Variants in DNAI7 observed in about 807,000 individuals in gnomAD.
DNAI7 encodes the protein dynein axonemal intermediate chain 7.
A neutral mutation model predicts 86.6 loss-of-function variants in DNAI7; 78 were observed. The ratio of observed to expected loss-of-function variants is 0.90; its 90% CI spans 0.75 to 1.09. DNAI7 has a LOEUF of 1.09. Ranked by LOEUF, DNAI7 falls within the 50% of genes least tolerant of loss-of-function variation. The pLI, the probability that DNAI7 is intolerant of heterozygous loss-of-function variation, is 0.00. For missense variants in DNAI7, 753 were observed against 810.2 expected (o/e 0.93, Z 0.86); for synonymous variants, 274 against 273.0 (o/e 1.00, Z -0.04).
chr12:25,149,395 A>G (rs1206908382), intron 7 of DNAI7, among the ~76,000 whole-genome samples: 2 of 152,202 alleles, frequency 1.3e-5, no homozygotes, highest in Admixed American at 6.5e-5. Flanking sequence ...CCTGGGTAAC[A>G]CAGGCAGATC....
At chr12:25,108,039 C>A (rs997483238), downstream of DNAI7, 1 of 1,613,810 alleles carries the variant, frequency 6.2e-7, no homozygotes, top group Non-Finnish European at 8.5e-7. Flanking sequence ...GACTCCGACA[C>A]AATGGGCCAC....
rs1395718411 is a variant in DNAI7, at chr12:25,108,434, T to C, written c.*114A>G. 1.1e-6 allele frequency: 1 copy of C among 922,618 alleles called. No homozygotes were observed. Among genetic ancestry groups the C allele is most frequent in the African/African-American group, 1.7e-5 (1 of 59,196 alleles). 57.2% of individuals were successfully genotyped at this position (922,618 alleles called of 1,614,324 possible). A position where few individuals can be genotyped will look rare whatever the true frequency, so the allele number is the denominator to read the frequency against. ...TGAGTAGAAAATGCAGATTAGAAAA[T>C]TTTTAATAGTTGATTTGAAATGTAT... On this transcript the variant is annotated 3_prime_UTR_variant, in exon 16 of 16. Coordinates refer to ENST00000395987, the MANE Select transcript of DNAI7 (RefSeq NM_018272.5).
downstream of DNAI7, chr12:25,108,280 AATATTAT>A (rs1949362085): frequency 1.8e-6 from 1 of 566,590 alleles, no homozygotes; most frequent in Admixed American, 3.4e-5. Flanking sequence ...TTAAGGAAGA[AATATTAT>A]ATATTGTTTG....
intron 13 of DNAI7, among the ~76,000 whole-genome samples, chr12:25,113,839 T>C (rs1939475899): frequency 6.6e-6 from 1 of 151,968 alleles, no homozygotes; most frequent in African/African-American, 2.4e-5. Flanking sequence ...CTCATGCTCA[T>C]TTACAGTTAA....
intron 7 of DNAI7, 29 bp from the exon 8 acceptor site, chr12:25,147,133 G>A: frequency 9.0e-7 from 1 of 1,105,698 alleles, no homozygotes; most frequent in Non-Finnish European, 1.4e-6. Context: ...ACATTATAAA[G>A]GGCCACAGGC....
intron 3 of DNAI7, among the ~76,000 whole-genome samples, chr12:25,160,103 CT>C (rs1017937259): frequency 4.0e-5 from 6 of 151,836 alleles, no homozygotes; most frequent in Non-Finnish European, 5.9e-5. Flanking sequence ...CTCCTAATTT[CT>C]TTTTTTGTTT....
intron 4 of DNAI7, among the ~76,000 whole-genome samples, chr12:25,156,967 C>T (rs1473937841): frequency 6.6e-6 from 1 of 151,906 alleles, no homozygotes; most frequent in East Asian, 1.9e-4. Context: ...GAATAGTTGA[C>T]TGATATGGTT....
intron 12 of DNAI7, among the ~76,000 whole-genome samples, chr12:25,116,266 T>G (rs1940078561): frequency 6.6e-6 from 1 of 152,162 alleles, no homozygotes; most frequent in South Asian, 2.1e-4. Context: ...ATTCACAAAC[T>G]TATTTTTAAT....
In DNAI7 at chr12:25,114,783, G is replaced by T. The variant is rs780843654; in HGVS notation, c.1484C>A (p.Pro495His). The change falls in exon 13 of 16, where the codon CCT becomes CAT. Residue 495 changes from proline (P) to histidine (H), a missense_variant. By Grantham distance (77) the Pro-to-His change is moderately conservative. Transcript: ENST00000395987. ...ATGAGCATCTTGAATCAAGGTAACA[G>T]GGCCAAAGGTGTCCAGGCTGAATGT... ...LVTFSLDTFG[P>H]VTLIQDAHIN... 7 of 1,613,904 alleles carry T rather than the reference G, an allele frequency of 4.3e-6. No individual in the cohort carries two copies. In the African/African-American group the frequency reaches 9.3e-5, roughly 22 times the overall value.
intron 13 of DNAI7, among the ~76,000 whole-genome samples, chr12:25,114,174 A>AG (rs145430376): frequency 1.3e-5 from 2 of 151,946 alleles, no homozygotes; most frequent in African/African-American, 4.8e-5. Context: ...TGCTGACCTC[A>AG]GGTGATTGCC....
At chr12:25,129,858 G>A (rs1942664627) in intron 9 of DNAI7, among the ~76,000 whole-genome samples, 1 of 151,894 alleles carries the variant, frequency 6.6e-6, no homozygotes, top group South Asian at 2.1e-4. Flanking sequence ...TGCCTCCCAG[G>A]TTCAAGTGAT....
chr12:25,169,573 A>G (rs1184723238), intron 2 of DNAI7, among the ~76,000 whole-genome samples: 2 of 152,230 alleles, frequency 1.3e-5, no homozygotes, highest in African/African-American at 4.8e-5. Context: ...AGAGGCCAGG[A>G]GCGATAGCTC....
chr12:25,109,226 T>C (rs1374787944), intron 15 of DNAI7, among the ~76,000 whole-genome samples: 2 of 152,120 alleles, frequency 1.3e-5, no homozygotes, highest in Non-Finnish European at 2.9e-5. Context: ...GAGCAATAAA[T>C]ACAGTGGCTT....
At chr12:25,156,656 G>A (rs1946212647) in intron 4 of DNAI7, among the ~76,000 whole-genome samples, 1 of 151,512 alleles carries the variant, frequency 6.6e-6, no homozygotes. Flanking sequence ...CAGGAGAATC[G>A]CCTGAACCTG....
intron 6 of DNAI7, among the ~76,000 whole-genome samples, chr12:25,150,435 T>C (rs543078391): frequency 6.6e-6 from 1 of 151,992 alleles, no homozygotes; most frequent in Non-Finnish European, 1.5e-5. Context: ...AAACCCCATC[T>C]CTACTAAAAA....
chr12:25,193,015 C>T (rs573816585), intron 1 of DNAI7, among the ~76,000 whole-genome samples: 42 of 151,464 alleles, frequency 2.8e-4, no homozygotes, highest in Non-Finnish European at 5.0e-4. Flanking sequence ...TGTGGTGGCA[C>T]GTGCCTTGTA....
At chr12:25,186,761 T>C (rs1037157896) in intron 2 of DNAI7, among the ~76,000 whole-genome samples, 9 of 151,924 alleles carry the variant, frequency 5.9e-5, no homozygotes, top group African/African-American at 1.9e-4. Context: ...CAGAGGAGGA[T>C]GCAATGGTAA....
chr12:25,170,820 A>G (rs1948057923), intron 2 of DNAI7, among the ~76,000 whole-genome samples: 1 of 152,218 alleles, frequency 6.6e-6, no homozygotes, highest in African/African-American at 2.4e-5. Flanking sequence ...ATCAACTCCA[A>G]AAGAAATCTT....
intron 2 of DNAI7, among the ~76,000 whole-genome samples, chr12:25,189,312 T>C (rs538066321): frequency 5.4e-4 from 82 of 152,266 alleles, no homozygotes; most frequent in African/African-American, 1.9e-3. Flanking sequence ...TAAAGGGTTA[T>C]AATTGAGGTA....
Sources: allele counts gnomAD v4.1 joint callset (sites outside exome capture counted in the v4.1 genomes callset), GRCh38; gene constraint gnomAD v4.1.1; transcripts MANE v1.5; gene names NCBI Gene and HGNC (gene_info 2026-07-23, HGNC 2026-07-21).